Variants in MDGA2 observed in about 807,000 individuals in gnomAD.
The protein encoded by MDGA2 is MAM domain-containing glycosylphosphatidylinositol anchor protein 2.
A neutral mutation model predicts 117.8 loss-of-function variants in MDGA2; 40 were observed. The ratio of observed to expected loss-of-function variants is 0.34; its 90% CI spans 0.26 to 0.44. The LOEUF (loss-of-function observed/expected upper bound fraction) is 0.44, where lower values mean the gene tolerates loss of function less well. Among genes scored for constraint, MDGA2 ranks in the 20% least tolerant of loss-of-function variants. MDGA2 has a pLI of 1.00. For missense variants in MDGA2, 1,123 were observed against 1,250.6 expected, an observed-to-expected ratio of 0.90 and a Z score of 1.54; for synonymous variants, 452 against 439.0, an observed-to-expected ratio of 1.03 and a Z score of -0.37.
At chr14:47,624,363 C>T (rs1261004328) in intron 1 of MDGA2, among the ~76,000 whole-genome samples, 4 of 152,154 alleles carry the variant, frequency 2.6e-5, no homozygotes. Flanking sequence ...GAGGCTGAGG[C>T]AGGACAATCG....
At chr14:46,915,187 G>C (rs1050547015) in intron 10 of MDGA2, among the ~76,000 whole-genome samples, 1 of 152,122 alleles carries the variant, frequency 6.6e-6, no homozygotes, top group Non-Finnish European at 1.5e-5. Flanking sequence ...CAGAATTCAA[G>C]AGTGATTTCT....
rs531107123 is a variant in MDGA2 at position 47,479,169 on chromosome 14, G to A, written c.281-177619C>T. 7.9e-5 allele frequency among the ~76,000 whole-genome samples: 12 copies of A among 152,266 alleles called. No individual in the cohort carries two copies. The South Asian group carries it at 2.5e-3, about 32-fold the overall frequency. On this transcript the variant is annotated intron_variant, in intron 1 of 16. Transcript: ENST00000399232. ...AACATCTTGTCTTTTGAGATGTAGG[G>A]TGAAATGATGATGATTTAAATAATA...
intron 1 of MDGA2, among the ~76,000 whole-genome samples, chr14:47,538,686 GTA>G (rs566892652): frequency 3.3e-4 from 51 of 152,286 alleles, no homozygotes; most frequent in Admixed American, 3.2e-3. Context: ...GATTGTGTGT[GTA>G]TATGTTTCTT....
At chr14:47,565,133 T>G (rs1895892131) in intron 1 of MDGA2, among the ~76,000 whole-genome samples, 1 of 152,226 alleles carries the variant, frequency 6.6e-6, no homozygotes, top group Admixed American at 6.5e-5. Context: ...TTCAGCCTAG[T>G]TAAGAACCAC....
intron 2 of MDGA2, among the ~76,000 whole-genome samples, chr14:47,279,037 G>A (rs749236593): frequency 4.6e-5 from 7 of 152,152 alleles, no homozygotes; most frequent in Non-Finnish European, 1.0e-4. Flanking sequence ...TAGGTTGCTA[G>A]TATATAATGT....
At chr14:47,540,540 G>GTGTGTATATATATATA in intron 1 of MDGA2, among the ~76,000 whole-genome samples, 8 of 79,184 alleles carry the variant, frequency 1.0e-4, no homozygotes, top group African/African-American at 3.1e-4. Flanking sequence ...GTGTGTGTGT[G>GTGTGTATATATATATA]TATATATATA....
intron 1 of MDGA2, among the ~76,000 whole-genome samples, chr14:47,609,752 G>A (rs918172005): frequency 2.0e-5 from 3 of 151,380 alleles, no homozygotes; most frequent in Admixed American, 2.0e-4. Context: ...CAACATCTAG[G>A]ATCAGATGGA....
At position 46,853,728 on chromosome 14, in the gene MDGA2, G is replaced by T. The variant is rs558171098; in HGVS notation, c.2883+1296C>A. ...TTATTGTGAACTTTGCTGGAATTTT[G>T]TGTTGGAGAGGCAGTCATGTGGAAA... On this transcript the variant is annotated intron_variant, in intron 15 of 16. Coordinates refer to ENST00000399232, the MANE Select transcript of MDGA2 (RefSeq NM_001113498.3). Among the ~76,000 whole-genome samples, 3 of 151,754 alleles carry T rather than the reference G, an allele frequency of 2.0e-5. No individual in the cohort carries two copies. The South Asian group carries it at 6.2e-4, about 32-fold the overall frequency.
intron 10 of MDGA2, among the ~76,000 whole-genome samples, chr14:46,905,306 G>C (rs1883445716): frequency 1.3e-5 from 2 of 152,090 alleles, no homozygotes; most frequent in Non-Finnish European, 2.9e-5. Flanking sequence ...GGGACTTCTT[G>C]AAACCTGTGA....
At chr14:47,083,709 T>C (rs997777593) in intron 6 of MDGA2, among the ~76,000 whole-genome samples, 4 of 152,066 alleles carry the variant, frequency 2.6e-5, no homozygotes, top group Admixed American at 6.6e-5. Context: ...AATATAATGA[T>C]ATAGGTAGGT....
chr14:47,414,232 A>G (rs1892430736), intron 1 of MDGA2, among the ~76,000 whole-genome samples: 1 of 152,130 alleles, frequency 6.6e-6, no homozygotes, highest in African/African-American at 2.4e-5. Flanking sequence ...AACATTGCAG[A>G]TAAGAGCACT....
rs145328521 is a variant in MDGA2 at position 46,947,526 on chromosome 14, G to A, written c.2089+9848C>T. Among the ~76,000 whole-genome samples the A allele has an allele frequency of 3.3e-3, 509 of 152,046 alleles. 5 individuals carry two copies. Among genetic ancestry groups the A allele is most frequent in the African/African-American group, 0.012 (483 of 41,480 alleles). On this transcript the variant is annotated intron_variant, in intron 9 of 16. Transcript: ENST00000399232. The stretch of plus-strand genomic sequence containing the variant: ...TTGAATTCCCATGTGTTGTGGGAGG[G>A]ATCTGGTGGGAGGTAACTGAATCAT...
intron 3 of MDGA2, among the ~76,000 whole-genome samples, chr14:47,215,969 C>T (rs1020349635): frequency 7.9e-5 from 12 of 151,956 alleles, no homozygotes; most frequent in African/African-American, 2.7e-4. Context: ...TGTCTTCAGG[C>T]GTGGTTGAAT....
Position 47,144,004 on chromosome 14 carries a change from T to A in MDGA2, c.792+74A>T, listed in dbSNP as rs952194737. On this transcript the variant is annotated intron_variant, in intron 4 of 16. Transcript: ENST00000399232. ...TAGAGAAACTATCTTTTCAAATAGC[T>A]ATGAATTCATGCTGCCTGAATTAGG... 5 of 1,116,394 alleles carry A rather than the reference T, an allele frequency of 4.5e-6. No individual in the cohort carries two copies. The African/African-American group carries it at 4.8e-5, about 11-fold the overall frequency. 69.2% of individuals were successfully genotyped at this position (1,116,394 alleles called of 1,614,324 possible). A position where few individuals can be genotyped will look rare whatever the true frequency, so the allele number is the denominator to read the frequency against.
At chr14:46,893,953 G>C (rs938934500) in intron 10 of MDGA2, among the ~76,000 whole-genome samples, 3 of 151,886 alleles carry the variant, frequency 2.0e-5, no homozygotes, top group African/African-American at 7.2e-5. Context: ...CCAGACATCA[G>C]AAAGGCTGAG....
At chr14:46,978,183 TG>T (rs1392850212) in intron 8 of MDGA2, among the ~76,000 whole-genome samples, 1 of 151,932 alleles carries the variant, frequency 6.6e-6, no homozygotes, top group Admixed American at 6.6e-5. Flanking sequence ...TGTAAAATTG[TG>T]TCATATCAAG....
chr14:47,421,268 G>A (rs1017575869), intron 1 of MDGA2, among the ~76,000 whole-genome samples: 2 of 152,050 alleles, frequency 1.3e-5, no homozygotes, highest in Non-Finnish European at 2.9e-5. Context: ...TTAAAAGCTC[G>A]TTTCATGAGG....
At chr14:46,921,451 A>AT (rs989464083) in intron 9 of MDGA2, among the ~76,000 whole-genome samples, 2 of 149,424 alleles carry the variant, frequency 1.3e-5, no homozygotes, top group Non-Finnish European at 1.5e-5. Context: ...CAGAAAAAGA[A>AT]AAAAAAAAAG....
At chr14:47,038,854 G>A (rs1431353063) in intron 7 of MDGA2, among the ~76,000 whole-genome samples, 3 of 151,658 alleles carry the variant, frequency 2.0e-5, no homozygotes, top group Admixed American at 6.6e-5. Context: ...AGGGGCTCAG[G>A]CAGGAGAATT....
Sources: gnomAD v4.1 joint callset for allele counts (sites outside exome capture counted in the v4.1 genomes callset) on GRCh38, gnomAD v4.1.1 for gene constraint, MANE v1.5 for transcripts, NCBI Gene and HGNC (gene_info 2026-07-23, HGNC 2026-07-21) for gene names.